Variants in REC114 observed in about 807,000 individuals in gnomAD.
The protein encoded by REC114 is REC114 meiotic recombination protein.
Under a neutral mutation model 31.3 loss-of-function variants are expected in REC114, and 27 were observed. The ratio of observed to expected loss-of-function variants is 0.86; its 90% CI spans 0.64 to 1.19. The LOEUF is 1.19. REC114 is among the 50% of genes most tolerant of loss of function. REC114 has a pLI of 0.00. For synonymous variants in REC114, 134 were observed against 127.7 expected (o/e 1.05, Z -0.33); for missense variants, 344 against 326.9 (o/e 1.05, Z -0.40).
chr15:73,477,168 G>A (rs954977077), intron 2 of REC114, among the ~76,000 whole-genome samples: 3 of 152,118 alleles, frequency 2.0e-5, no homozygotes, highest in Non-Finnish European at 2.9e-5. Flanking sequence ...TTGGTGAAGT[G>A]TCTGTTCGTG....
chr15:73,485,383 A>G (rs549514672), intron 2 of REC114, among the ~76,000 whole-genome samples: 128 of 152,250 alleles, frequency 8.4e-4, no homozygotes, highest in Admixed American at 1.5e-3. Context: ...TGCCCGGCCA[A>G]CTGTTTAAAT....
At chr15:73,497,656 C>G (rs1212297084) in intron 2 of REC114, among the ~76,000 whole-genome samples, 1 of 152,180 alleles carries the variant, frequency 6.6e-6, no homozygotes, top group East Asian at 1.9e-4. Context: ...GATTTGTAAA[C>G]TATAGAATGT....
chr15:73,520,938 T>G (rs1893929280), intron 2 of REC114, among the ~76,000 whole-genome samples: 1 of 152,172 alleles, frequency 6.6e-6, no homozygotes, highest in Admixed American at 6.5e-5. Context: ...ATACAGAGGT[T>G]TGTGACATAG....
intron 1 of REC114, among the ~76,000 whole-genome samples, chr15:73,472,956 A>G (rs766374288): frequency 2.6e-5 from 4 of 152,184 alleles, no homozygotes; most frequent in Non-Finnish European, 5.9e-5. Context: ...TAATGTGATT[A>G]TAGGCAATAG....
chr15:73,519,810 G>A (rs1370656477), intron 2 of REC114, among the ~76,000 whole-genome samples: 1 of 152,220 alleles, frequency 6.6e-6, no homozygotes, highest in Non-Finnish European at 1.5e-5. Flanking sequence ...AAGCAAGGCT[G>A]TCCTGTCATG....
At chr15:73,503,529 G>A (rs1002483141) in intron 2 of REC114, among the ~76,000 whole-genome samples, 1 of 152,132 alleles carries the variant, frequency 6.6e-6, no homozygotes, top group Non-Finnish European at 1.5e-5. Flanking sequence ...GATTGATCAT[G>A]AATAAATTAT....
intron 4 of REC114, 146 bp from the exon 5 acceptor site, chr15:73,556,156 G>C: frequency 1.5e-6 from 1 of 667,782 alleles, no homozygotes; most frequent in Non-Finnish European, 2.5e-6. Flanking sequence ...TTTAAACCAG[G>C]ACAGACCTAT....
intron 2 of REC114, among the ~76,000 whole-genome samples, chr15:73,527,776 C>A (rs1269020275): frequency 2.0e-5 from 3 of 152,144 alleles, no homozygotes; most frequent in Non-Finnish European, 4.4e-5. Flanking sequence ...TGGATAACAT[C>A]TACAACTAAA....
chr15:73,545,137 A>G (rs1894291739), intron 3 of REC114, among the ~76,000 whole-genome samples: 1 of 152,158 alleles, frequency 6.6e-6, no homozygotes, highest in African/African-American at 2.4e-5. Context: ...TTATCCTTAA[A>G]TTTGCTTCCT....
intron 1 of REC114, among the ~76,000 whole-genome samples, chr15:73,471,454 A>G (rs1893131244): frequency 6.6e-6 from 1 of 152,226 alleles, no homozygotes; most frequent in Admixed American, 6.5e-5. Flanking sequence ...AAATGTCTAC[A>G]ACAGCCTAGC....
chr15:73,533,495 A>G, intron 2 of REC114, among the ~76,000 whole-genome samples: 1 of 151,110 alleles, frequency 6.6e-6, no homozygotes, highest in Non-Finnish European at 1.5e-5. Context: ...AACTATCCTA[A>G]ATATATATGC....
chr15:73,464,444 G>A (rs75670736), intron 1 of REC114, among the ~76,000 whole-genome samples: 11,996 of 152,008 alleles, frequency 0.079, 654 homozygotes, highest in African/African-American at 0.14. Context: ...TGGGTTTTCT[G>A]TTGTTCTTCA....
intron 2 of REC114, among the ~76,000 whole-genome samples, chr15:73,516,858 C>T (rs553891376): frequency 7.7e-4 from 117 of 152,276 alleles, no homozygotes; most frequent in Admixed American, 2.9e-3. Flanking sequence ...AACTCCTGAT[C>T]GGAGGTGATC....
In REC114 at chr15:73,443,236, A is replaced by G. The variant is rs1595856298; in HGVS notation, c.51A>G (p.Glu17=). 3 of 1,574,768 alleles carry G rather than the reference A, an allele frequency of 1.9e-6. No individual in the cohort carries two copies. The East Asian group carries it at 7.0e-5, about 37-fold the overall frequency. ...VPLSLGLTGG[E]AAEWPLQRYA... ...TGAGCCTCGGGCTTACCGGAGGAGAAGCGGCAGAGTGGCCTCTGCAGCGGT... is the reference window on the plus strand; with the variant it reads ...TGAGCCTCGGGCTTACCGGAGGAGAGGCGGCAGAGTGGCCTCTGCAGCGGT... Residue 17 remains glutamate (E), a synonymous_variant, in exon 1 of 6, where the codon GAA becomes GAG. Coordinates refer to ENST00000331090, the MANE Select transcript of REC114 (RefSeq NM_001042367.2).
Position 73,551,003 on chromosome 15 carries a change from C to G in REC114, c.399C>G (p.Cys133Trp). The G allele has an allele frequency of 1.9e-6, 3 of 1,613,894 alleles. No homozygotes were observed. Among genetic ancestry groups the G allele is most frequent in the Non-Finnish European group, 1.7e-6 (2 of 1,179,850 alleles). The change falls in exon 4 of 6, where the codon TGC becomes TGG. Residue 133 changes from cysteine (C) to tryptophan (W), a missense_variant. Physicochemically the swap from Cys to Trp is radical, Grantham distance 215. Coordinates refer to ENST00000331090, the MANE Select transcript of REC114 (RefSeq NM_001042367.2). ...CAAAGGAGCAGGCGCTGGAACACTGCTGCAGTTGTGTTCAGAAGCTGGCAC... is the reference window on the plus strand; with the variant it reads ...CAAAGGAGCAGGCGCTGGAACACTGGTGCAGTTGTGTTCAGAAGCTGGCAC... Reference protein sequence around the residue: ...GESKEQALEHCCSCVQKLAQY... With the variant: ...GESKEQALEHWCSCVQKLAQY...
At chr15:73,461,190 C>CA (rs992450167) in intron 1 of REC114, among the ~76,000 whole-genome samples, 1 of 151,372 alleles carries the variant, frequency 6.6e-6, no homozygotes, top group Non-Finnish European at 1.5e-5. Context: ...TGTGAAACAC[C>CA]AAAAAATGCT....
At chr15:73,478,598 C>T (rs553815512) in intron 2 of REC114, among the ~76,000 whole-genome samples, 2 of 152,070 alleles carry the variant, frequency 1.3e-5, no homozygotes, top group Admixed American at 6.5e-5. Context: ...TTTAGAATGA[C>T]ATTTCCTACA....
At chr15:73,546,604 A>G (rs899443873) in intron 3 of REC114, among the ~76,000 whole-genome samples, 4 of 152,212 alleles carry the variant, frequency 2.6e-5, no homozygotes, top group Non-Finnish European at 4.4e-5. Flanking sequence ...CACACAATAT[A>G]TATAACCTAT....
At chr15:73,473,725 G>C (rs571934013) in intron 1 of REC114, 107 bp from the exon 2 acceptor site, 2 of 621,120 alleles carry the variant, frequency 3.2e-6, no homozygotes, top group Admixed American at 6.6e-5. Context: ...GAGAATGCTC[G>C]GAGTAAAAAG....
Sources: allele counts gnomAD v4.1 joint callset (sites outside exome capture counted in the v4.1 genomes callset), GRCh38; gene constraint gnomAD v4.1.1; transcripts MANE v1.5; gene names NCBI Gene and HGNC (gene_info 2026-07-23, HGNC 2026-07-21).